The following NAV2 variants were observed in gnomAD, a reference collection of about 807,000 sequenced individuals.
The protein encoded by NAV2 is neuron navigator 2, also known as helicase, APC down-regulated 1.
A neutral mutation model predicts 223.2 loss-of-function variants in NAV2; 54 were observed. The ratio of observed to expected loss-of-function variants is 0.24; its 90% confidence interval spans 0.19 to 0.30. The LOEUF (loss-of-function observed/expected upper bound fraction) is 0.30. NAV2 is among the 10% of genes least tolerant of loss of function. The pLI is 1.00. For missense variants in NAV2, 2,806 were observed against 3,147.5 expected (o/e 0.89, Z 2.60); for synonymous variants, 1,279 against 1,239.3 (o/e 1.03, Z -0.67).
At chr11:19,703,305 G>A (rs1294418272) in intron 1 of NAV2, among the ~76,000 whole-genome samples, 2 of 152,160 alleles carry the variant, frequency 1.3e-5, no homozygotes, top group Non-Finnish European at 2.9e-5. Flanking sequence ...GCCTCTTCCT[G>A]GAGGTCAGAC....
At chr11:19,661,307 A>G (rs1477663078) in intron 1 of NAV2, among the ~76,000 whole-genome samples, 1 of 152,190 alleles carries the variant, frequency 6.6e-6, no homozygotes, top group Non-Finnish European at 1.5e-5. Flanking sequence ...GAAAAATATC[A>G]TACTGTCTGG....
At chr11:20,000,295 A>G (rs1243407492) in intron 11 of NAV2, among the ~76,000 whole-genome samples, 1 of 152,238 alleles carries the variant, frequency 6.6e-6, no homozygotes, top group Non-Finnish European at 1.5e-5. Context: ...AGAACATGAA[A>G]GGGTTTATGA....
At chr11:19,677,513 C>T (rs1042913399) in intron 1 of NAV2, among the ~76,000 whole-genome samples, 9 of 152,364 alleles carry the variant, frequency 5.9e-5, no homozygotes, top group African/African-American at 1.4e-4. Context: ...TCGGGCCTTG[C>T]CCAAAGTCAC....
intron 1 of NAV2, among the ~76,000 whole-genome samples, chr11:19,721,396 A>G (rs1015248985): frequency 6.6e-6 from 1 of 152,184 alleles, no homozygotes; most frequent in African/African-American, 2.4e-5. Context: ...GGCCCACTAA[A>G]CGTCATTGTT....
At chr11:20,106,193 A>G (rs375462890) in intron 35 of NAV2, among the ~76,000 whole-genome samples, 5,715 of 22,986 alleles carry the variant, frequency 0.25, 1,175 homozygotes, top group Non-Finnish European at 0.51. Context: ...GTATATATAT[A>G]TATATATATA....
chr11:19,993,518 C>T (rs1335568967), intron 11 of NAV2, among the ~76,000 whole-genome samples: 1 of 152,206 alleles, frequency 6.6e-6, no homozygotes, highest in Non-Finnish European at 1.5e-5. Flanking sequence ...TAGTGAACTG[C>T]ACTAATGACT....
At chr11:19,692,244 G>T (rs768952455) in intron 1 of NAV2, among the ~76,000 whole-genome samples, 1 of 152,210 alleles carries the variant, frequency 6.6e-6, no homozygotes, top group African/African-American at 2.4e-5. Context: ...AACGAAGTCC[G>T]CAAACATCTT....
At chr11:19,939,607 G>A (rs919821938) in intron 7 of NAV2, 54 bp from the exon 8 acceptor site, 2 of 1,410,114 alleles carry the variant, frequency 1.4e-6, no homozygotes, top group African/African-American at 2.8e-5. Context: ...CAGTGGTCCA[G>A]ATGTGGTAGT....
In NAV2 at chr11:19,782,520, G is replaced by GA. The variant is rs200829914; in HGVS notation, c.268-49957dup. The stretch of plus-strand genomic sequence containing the variant: ...GTTTTTGTTTTTGTGTGAAGCCAGG[G>GA]AAAAAAATTGTTTTGTTTCTGGCTC... On this transcript the variant is annotated intron_variant, in intron 1 of 37. Coordinates refer to ENST00000349880, the MANE Select transcript of NAV2 (RefSeq NM_145117.5). 7.2e-3 allele frequency among the ~76,000 whole-genome samples: 1,094 copies of GA among 152,150 alleles called. 16 individuals are homozygous for GA. Among genetic ancestry groups the GA allele is most frequent in the Middle Eastern group, 0.024 (7 of 294 alleles).
At chr11:19,440,630 G>A (rs1851368118) in intron 1 of NAV2, among the ~76,000 whole-genome samples, 1 of 152,196 alleles carries the variant, frequency 6.6e-6, no homozygotes, top group Non-Finnish European at 1.5e-5. Context: ...GTTAGGTTAA[G>A]TGCAGTCAAG....
At chr11:19,446,810 C>G (rs1009324349) in intron 1 of NAV2, among the ~76,000 whole-genome samples, 2 of 152,094 alleles carry the variant, frequency 1.3e-5, no homozygotes, top group Non-Finnish European at 2.9e-5. Flanking sequence ...TATGACCATC[C>G]CATTACAGAC....
intron 1 of NAV2, among the ~76,000 whole-genome samples, chr11:19,454,982 G>A (rs75843760): frequency 1.3e-5 from 2 of 152,284 alleles, no homozygotes; most frequent in South Asian, 4.1e-4. Context: ...GGTTAGAAAT[G>A]CAAATTCTCA....
At chr11:19,380,915 C>T (rs1349363971) in intron 1 of NAV2, among the ~76,000 whole-genome samples, 2 of 152,314 alleles carry the variant, frequency 1.3e-5, no homozygotes, top group East Asian at 3.9e-4. Flanking sequence ...CTGAGCTTTC[C>T]ACCCTATGAC....
intron 12 of NAV2, among the ~76,000 whole-genome samples, chr11:20,042,619 T>A (rs535730028): frequency 6.6e-6 from 1 of 152,108 alleles, no homozygotes; most frequent in African/African-American, 2.4e-5. Context: ...GCCTATCTGT[T>A]TTTAGCTTTT....
chr11:19,760,006 A>C (rs1386608051), intron 1 of NAV2: 6 of 154,242 alleles, frequency 3.9e-5, no homozygotes, highest in Non-Finnish European at 4.4e-5. Flanking sequence ...TAAATTTCCA[A>C]ATACATAGGT....
intron 1 of NAV2, among the ~76,000 whole-genome samples, chr11:19,623,686 T>C (rs1473267615): frequency 1.3e-5 from 2 of 152,222 alleles, no homozygotes; most frequent in African/African-American, 4.8e-5. Context: ...TTCAAGGTTT[T>C]TAGCTTCTTT....
chr11:19,954,150 G>C (rs1478092864), intron 10 of NAV2, among the ~76,000 whole-genome samples: 1 of 152,156 alleles, frequency 6.6e-6, no homozygotes, highest in Non-Finnish European at 1.5e-5. Context: ...CCTTTTCACT[G>C]TGAGTCATTG....
At chr11:19,618,630 G>T (rs1387434824) in intron 1 of NAV2, among the ~76,000 whole-genome samples, 1 of 152,194 alleles carries the variant, frequency 6.6e-6, no homozygotes, top group African/African-American at 2.4e-5. Context: ...CCTGTGCTAA[G>T]CTGTGGTGGT....
intron 3 of NAV2, among the ~76,000 whole-genome samples, chr11:19,864,434 A>G (rs1417490146): frequency 6.6e-6 from 1 of 152,256 alleles, no homozygotes; most frequent in East Asian, 1.9e-4. Context: ...GATATATAGC[A>G]GTGCTTCCGA....
Sources: gnomAD v4.1 joint callset for allele counts (sites outside exome capture counted in the v4.1 genomes callset) on GRCh38, gnomAD v4.1.1 for gene constraint, MANE v1.5 for transcripts, NCBI Gene and HGNC (gene_info 2026-07-23, HGNC 2026-07-21) for gene names.